PLAC1: variants seen among roughly 807,000 people sequenced by gnomAD.
PLAC1 encodes placenta-specific protein 1.
For missense variants in PLAC1, 136 were observed against 163.2 expected (o/e 0.83, Z 0.91); for synonymous variants, 68 against 62.1 (o/e 1.09, Z -0.44).
At chrX:134,747,955 G>A (rs1014507017) in intron 1 of PLAC1, among the ~76,000 whole-genome samples, 1 of 111,637 alleles carries the variant, frequency 9.0e-6, no homozygotes, top group Non-Finnish European at 1.9e-5. Flanking sequence ...AAGGTGATCC[G>A]GTCAGTTAGT....
chrX:134,684,850 C>A (rs1223126462), intron 2 of PLAC1, among the ~76,000 whole-genome samples: 2 of 112,031 alleles, frequency 1.8e-5, no homozygotes, highest in Non-Finnish European at 3.8e-5. Flanking sequence ...TGGACATGGT[C>A]ATCTATTTCA....
chrX:134,578,256 A>G (rs2077951180), intron 2 of PLAC1, among the ~76,000 whole-genome samples: 1 of 109,227 alleles, frequency 9.2e-6, no homozygotes, highest in Admixed American at 9.8e-5. Flanking sequence ...TACTAAAAAT[A>G]CAAAAAATTA....
chrX:134,626,827 C>A (rs2078238923), intron 1 of PLAC1, among the ~76,000 whole-genome samples: 1 of 112,300 alleles, frequency 8.9e-6, no homozygotes, highest in African/African-American at 3.2e-5. Context: ...AATAGCCAAC[C>A]TTCTCAACTA....
chrX:134,586,877 G>GTGTGTGTGTGTGTGT (rs2078005247), intron 2 of PLAC1, among the ~76,000 whole-genome samples: 2 of 105,331 alleles, frequency 1.9e-5, no homozygotes, highest in African/African-American at 7.0e-5. Flanking sequence ...GTGTGTGTTT[G>GTGTGTGTGTGTGTGT]GTAGAGATGG....
At chrX:134,762,821 CAAAAAAAA>C (rs60721487) in intron 1 of PLAC1, among the ~76,000 whole-genome samples, 2,616 of 14,671 alleles carry the variant, frequency 0.18, 81 homozygotes, top group African/African-American at 0.31. Context: ...GGCTCTATCT[CAAAAAAAA>C]AAAAAAAAAA....
intron 1 of PLAC1, among the ~76,000 whole-genome samples, chrX:134,649,583 C>T (rs1248444262): frequency 9.0e-6 from 1 of 111,391 alleles, no homozygotes; most frequent in Non-Finnish European, 1.9e-5. Context: ...TAATGTAAGT[C>T]ACCACTTCCT....
At chrX:134,612,386 T>C (rs1001156043) in intron 1 of PLAC1, among the ~76,000 whole-genome samples, 1 of 112,236 alleles carries the variant, frequency 8.9e-6, no homozygotes, top group Non-Finnish European at 1.9e-5. Flanking sequence ...CATAGGAAGC[T>C]CTCAATACAT....
intron 2 of PLAC1, among the ~76,000 whole-genome samples, chrX:134,580,583 A>G (rs931917496): frequency 3.6e-5 from 4 of 111,926 alleles, no homozygotes; most frequent in African/African-American, 9.7e-5. Flanking sequence ...AAAGAGTGGC[A>G]ACGGTTGTTT....
intron 1 of PLAC1, among the ~76,000 whole-genome samples, chrX:134,639,287 G>A (rs1231942722): frequency 8.9e-6 from 1 of 111,809 alleles, no homozygotes; most frequent in Non-Finnish European, 1.9e-5. Flanking sequence ...GGGTTTCTTA[G>A]AAGGACTCCC....
chrX:134,738,420 A>T (rs1299495881), intron 1 of PLAC1, among the ~76,000 whole-genome samples: 2 of 111,961 alleles, frequency 1.8e-5, no homozygotes, highest in Non-Finnish European at 3.8e-5. Flanking sequence ...TCTATCTCCA[A>T]GGTTCCTGAC....
At chrX:134,613,602 G>A (rs201578162) in intron 1 of PLAC1, among the ~76,000 whole-genome samples, 14 of 111,358 alleles carry the variant, frequency 1.3e-4, no homozygotes, top group Non-Finnish European at 2.3e-4. Flanking sequence ...AGCAGGGCAC[G>A]TGCTCCTGGA....
chrX:134,620,737 C>G (rs985437004), intron 1 of PLAC1, among the ~76,000 whole-genome samples: 1 of 111,808 alleles, frequency 8.9e-6, no homozygotes, highest in Non-Finnish European at 1.9e-5. Context: ...ATGTATTAAG[C>G]GTAGTGTTAG....
At chrX:134,764,222 A>T (rs2078778198) in intron 1 of PLAC1, 1 of 112,435 alleles carries the variant, frequency 8.9e-6, no homozygotes. Flanking sequence ...GGTATATATT[A>T]ATAAAGATTA....
At chrX:134,737,675 C>A (rs2078706318) in intron 1 of PLAC1, among the ~76,000 whole-genome samples, 2 of 112,348 alleles carry the variant, frequency 1.8e-5, no homozygotes, top group South Asian at 7.3e-4. Context: ...TGCTCCATTA[C>A]CCTTCCTTCT....
At chrX:134,705,021 T>TATACACACAC (rs1284412646) in intron 2 of PLAC1, among the ~76,000 whole-genome samples, 31 of 98,338 alleles carry the variant, frequency 3.2e-4, no homozygotes, top group African/African-American at 1.2e-3. Context: ...TATATATATA[T>TATACACACAC]ACACACACAC....
chrX:134,669,545 G>T (rs1602894229), intron 2 of PLAC1, among the ~76,000 whole-genome samples: 1 of 112,528 alleles, frequency 8.9e-6, no homozygotes, highest in South Asian at 3.7e-4. Context: ...GCACAGAGGA[G>T]AAGGCCAAAC....
intron 1 of PLAC1, among the ~76,000 whole-genome samples, chrX:134,632,813 G>C (rs1196957816): frequency 9.0e-6 from 1 of 111,565 alleles, no homozygotes; most frequent in East Asian, 2.8e-4. Context: ...TGGGAGCCCA[G>C]AGAATACCAA....
chrX:134,569,996 A>T (rs2077899516), intron 2 of PLAC1, among the ~76,000 whole-genome samples: 1 of 109,839 alleles, frequency 9.1e-6, no homozygotes, highest in African/African-American at 3.3e-5. Context: ...TGCCCTGCTA[A>T]TTTTTGTATT....
At chrX:134,647,138 G>A (rs372090471) in intron 1 of PLAC1, among the ~76,000 whole-genome samples, 6 of 111,718 alleles carry the variant, frequency 5.4e-5, no homozygotes, top group East Asian at 5.6e-4. Flanking sequence ...GAAGGTAGCC[G>A]TGTAGGCAGG....
Sources: gnomAD v4.1 joint callset for allele counts (sites outside exome capture counted in the v4.1 genomes callset) on GRCh38, gnomAD v4.1.1 for gene constraint, MANE v1.5 for transcripts, NCBI Gene and HGNC (gene_info 2026-07-23, HGNC 2026-07-21) for gene names.